The following CSMD3 variants were observed in gnomAD, a reference collection of about 807,000 sequenced individuals.
CSMD3 encodes the protein CUB and Sushi multiple domains 3.
CSMD3 carries 177 observed loss-of-function variants against 435.2 expected under a neutral mutation model. That is an observed-to-expected ratio of 0.41 (90% CI 0.36 to 0.46). The LOEUF is 0.46. Ranked by LOEUF, CSMD3 falls within the 20% of genes least tolerant of loss-of-function variation. CSMD3 has a pLI of 0.34. For missense variants in CSMD3, 4,265 were observed against 4,504.6 expected (o/e 0.95, Z 1.52); for synonymous variants, 1,656 against 1,520.5 (o/e 1.09, Z -2.07).
At chr8:113,028,120 T>C (rs562214364) in intron 5 of CSMD3, among the ~76,000 whole-genome samples, 1 of 152,256 alleles carries the variant, frequency 6.6e-6, no homozygotes, top group East Asian at 1.9e-4. Context: ...TGTCACTTCA[T>C]CTCTCCATGT....
At chr8:112,836,927 T>A (rs1321675524) in intron 11 of CSMD3, among the ~76,000 whole-genome samples, 1 of 151,888 alleles carries the variant, frequency 6.6e-6, no homozygotes, top group Non-Finnish European at 1.5e-5. Flanking sequence ...TCAAGTTTGC[T>A]TGATGATAGT....
chr8:113,296,355 C>A (rs532994672), intron 2 of CSMD3, among the ~76,000 whole-genome samples: 5 of 151,368 alleles, frequency 3.3e-5, no homozygotes, highest in African/African-American at 1.2e-4. Context: ...CACATCTCTA[C>A]TAAAATACAA....
At chr8:113,254,495 G>C (rs1462047801) in intron 3 of CSMD3, among the ~76,000 whole-genome samples, 1 of 152,148 alleles carries the variant, frequency 6.6e-6, no homozygotes, top group Non-Finnish European at 1.5e-5. Flanking sequence ...GATTAGGGTA[G>C]GGAGGCCAGC....
intron 58 of CSMD3, among the ~76,000 whole-genome samples, chr8:112,285,961 A>G (rs1177182773): frequency 6.6e-6 from 1 of 151,984 alleles, no homozygotes; most frequent in East Asian, 1.9e-4. Context: ...GCCTCAAGTG[A>G]TCCTCCTGCC....
At chr8:112,848,244 G>A (rs16884151) in intron 11 of CSMD3, among the ~76,000 whole-genome samples, 7,366 of 152,086 alleles carry the variant, frequency 0.048, 235 homozygotes, top group African/African-American at 0.058. Flanking sequence ...TAGCTCTAGA[G>A]AAAATAATAT....
chr8:112,629,469 G>A (rs973046576), intron 22 of CSMD3, among the ~76,000 whole-genome samples: 7 of 152,116 alleles, frequency 4.6e-5, no homozygotes, highest in African/African-American at 1.7e-4. Context: ...GTTTGCTTAT[G>A]TAAACACAAG....
intron 48 of CSMD3, among the ~76,000 whole-genome samples, 180 bp downstream of exon 48, chr8:112,314,249 A>G (rs1822256140): frequency 6.6e-6 from 1 of 152,092 alleles, no homozygotes; most frequent in Admixed American, 6.6e-5. Context: ...TAATTTGTAA[A>G]ATAATAGTGG....
chr8:112,564,158 T>C (rs1828877153), intron 24 of CSMD3, among the ~76,000 whole-genome samples: 1 of 151,822 alleles, frequency 6.6e-6, no homozygotes, highest in African/African-American at 2.4e-5. Context: ...TTTTTTCTTA[T>C]TGACTTGTAG....
chr8:113,049,296 A>G (rs1034685053), intron 5 of CSMD3, among the ~76,000 whole-genome samples: 6 of 152,120 alleles, frequency 3.9e-5, no homozygotes, highest in African/African-American at 1.4e-4. Flanking sequence ...GAACACTCCA[A>G]AAGTTTCAAG....
At chr8:113,154,133 A>C (rs925534926) in intron 4 of CSMD3, among the ~76,000 whole-genome samples, 7 of 152,076 alleles carry the variant, frequency 4.6e-5, no homozygotes, top group African/African-American at 1.7e-4. Flanking sequence ...TATACAGAAC[A>C]AATTTTATGT....
At chr8:112,337,847 T>C in intron 42 of CSMD3, 116 bp from the exon 43 acceptor site, 2 of 669,014 alleles carry the variant, frequency 3.0e-6, no homozygotes, top group Non-Finnish European at 5.2e-6. Context: ...CAGTTGATTA[T>C]AAATAGCAAT....
intron 13 of CSMD3, among the ~76,000 whole-genome samples, chr8:112,771,221 C>T (rs1187872300): frequency 6.6e-6 from 1 of 152,050 alleles, no homozygotes; most frequent in Non-Finnish European, 1.5e-5. Context: ...TGGTAGTTCA[C>T]AGCACTGATT....
chr8:112,652,955 T>C (rs2075164859), intron 18 of CSMD3, among the ~76,000 whole-genome samples: 4 of 152,062 alleles, frequency 2.6e-5, no homozygotes, highest in Admixed American at 2.6e-4. Flanking sequence ...TAGTGGGAAT[T>C]ATAGGCATGC....
chr8:112,726,112 T>G (rs1563898956), intron 13 of CSMD3, among the ~76,000 whole-genome samples: 1 of 151,940 alleles, frequency 6.6e-6, no homozygotes, highest in Non-Finnish European at 1.5e-5. Context: ...CCATCAGATC[T>G]CTTGAGAGCT....
chr8:112,747,173 G>A (rs2077447188), intron 13 of CSMD3, among the ~76,000 whole-genome samples: 2 of 43,720 alleles, frequency 4.6e-5, no homozygotes, highest in South Asian at 1.5e-3. Context: ...TTATTTGTCT[G>A]CACACTTCCC....
At chr8:112,237,140 T>C (rs1813663430) in intron 67 of CSMD3, 50 bp downstream of exon 67, 1 of 1,566,690 alleles carries the variant, frequency 6.4e-7, no homozygotes, top group Non-Finnish European at 8.8e-7. Flanking sequence ...GAAATCATAA[T>C]AGAAATAAAG....
intron 5 of CSMD3, among the ~76,000 whole-genome samples, chr8:113,052,611 T>C (rs1427743842): frequency 6.6e-6 from 1 of 152,122 alleles, no homozygotes; most frequent in Non-Finnish European, 1.5e-5. Flanking sequence ...AGACTCTCTG[T>C]CTCTAAAAAT....
intron 13 of CSMD3, among the ~76,000 whole-genome samples, chr8:112,788,802 A>G (rs2078617040): frequency 6.6e-6 from 1 of 152,158 alleles, no homozygotes; most frequent in Non-Finnish European, 1.5e-5. Flanking sequence ...TGGGACAAAC[A>G]AAATTAAGTT....
intron 53 of CSMD3, 26 bp from the exon 54 acceptor site, chr8:112,296,032 T>G: frequency 6.5e-7 from 1 of 1,550,366 alleles, no homozygotes; most frequent in Non-Finnish European, 8.9e-7. Context: ...AAGTAATATT[T>G]TTAATACTGT....
Sources: allele counts gnomAD v4.1 joint callset (sites outside exome capture counted in the v4.1 genomes callset), GRCh38; gene constraint gnomAD v4.1.1; transcripts MANE v1.5; gene names NCBI Gene and HGNC (gene_info 2026-07-23, HGNC 2026-07-21).